TENM2: variants seen among roughly 807,000 people sequenced by gnomAD.
The protein encoded by TENM2 is teneurin transmembrane protein 2.
A neutral mutation model predicts 245.2 loss-of-function variants in TENM2; 52 were observed. That is an observed-to-expected ratio of 0.21 (90% confidence interval 0.17 to 0.27). The LOEUF is 0.27. TENM2 is among the 10% of genes least tolerant of loss of function. TENM2 has a pLI of 1.00. For synonymous variants in TENM2, 1,363 were observed against 1,438.9 expected (o/e 0.95, Z 1.19); for missense variants, 3,046 against 3,666.8 (o/e 0.83, Z 4.37).
chr5:166,999,026 T>C, the TENM2 span, among the ~76,000 whole-genome samples: 2 of 149,922 alleles, frequency 1.3e-5, no homozygotes, highest in East Asian at 3.9e-4. Context: ...ATATTTATTA[T>C]AATATATTTT....
chr5:167,066,897 C>T, the TENM2 span, among the ~76,000 whole-genome samples: 19 of 152,146 alleles, frequency 1.2e-4, no homozygotes, highest in African/African-American at 4.1e-4. Flanking sequence ...GATAACAGTC[C>T]TCATATGATT....
chr5:167,179,222 C>T, the TENM2 span, among the ~76,000 whole-genome samples: 8 of 152,194 alleles, frequency 5.3e-5, no homozygotes, highest in Non-Finnish European at 1.0e-4. Flanking sequence ...TTCTACTTCA[C>T]CGCTTGCATG....
At chr5:168,093,795 T>C (rs1793143959) in intron 8 of TENM2, among the ~76,000 whole-genome samples, 1 of 152,172 alleles carries the variant, frequency 6.6e-6, no homozygotes, top group South Asian at 2.1e-4. Flanking sequence ...TTAAAAATAA[T>C]ATTTAACTGA....
chr5:167,158,175 G>T, the TENM2 span, among the ~76,000 whole-genome samples: 5 of 151,866 alleles, frequency 3.3e-5, no homozygotes, highest in Non-Finnish European at 7.4e-5. Context: ...ACACAGATAT[G>T]GTACACTGAA....
chr5:167,049,071 G>A, the TENM2 span, among the ~76,000 whole-genome samples: 4 of 152,126 alleles, frequency 2.6e-5, no homozygotes, highest in Admixed American at 1.3e-4. Context: ...TACACTGTAA[G>A]TACCTGTAGT....
chr5:167,239,596 G>C, the TENM2 span, among the ~76,000 whole-genome samples: 1 of 152,126 alleles, frequency 6.6e-6, no homozygotes, highest in Admixed American at 6.5e-5. Flanking sequence ...CCTTTTACTA[G>C]ACTTCCTCCC....
At chr5:168,042,982 A>G (rs993202675) in intron 5 of TENM2, among the ~76,000 whole-genome samples, 1 of 152,160 alleles carries the variant, frequency 6.6e-6, no homozygotes, top group African/African-American at 2.4e-5. Context: ...GGAGCCTGTC[A>G]GATCATGATG....
At chr5:167,774,770 G>C (rs1042277745) in intron 2 of TENM2, among the ~76,000 whole-genome samples, 1 of 152,160 alleles carries the variant, frequency 6.6e-6, no homozygotes, top group Non-Finnish European at 1.5e-5. Flanking sequence ...TGGATGAGTA[G>C]GAATTTCGAG....
chr5:167,851,081 T>C (rs983585486), intron 2 of TENM2, among the ~76,000 whole-genome samples: 5 of 152,118 alleles, frequency 3.3e-5, no homozygotes, highest in Non-Finnish European at 7.3e-5. Context: ...AACCTACTTA[T>C]GAAGAAATGT....
intron 12 of TENM2, 118 bp from the exon 15 acceptor site, chr5:168,162,493 C>T (rs1757831626): frequency 9.1e-7 from 1 of 1,100,240 alleles, no homozygotes; most frequent in East Asian, 2.6e-5. Context: ...GGCGCGGGCC[C>T]CACTGTGAGG....
intron 2 of TENM2, among the ~76,000 whole-genome samples, chr5:167,482,697 C>T (rs1035758913): frequency 6.6e-6 from 1 of 152,140 alleles, no homozygotes; most frequent in Admixed American, 6.5e-5. Context: ...CACTCTAGAA[C>T]AAGCCTGGAG....
chr5:167,215,189 C>T, the TENM2 span, among the ~76,000 whole-genome samples: 1 of 152,154 alleles, frequency 6.6e-6, no homozygotes, highest in Non-Finnish European at 1.5e-5. Flanking sequence ...TCTGAACTTA[C>T]TTAGCAGTGA....
chr5:167,737,532 A>G (rs1459366350), intron 2 of TENM2, among the ~76,000 whole-genome samples: 1 of 152,090 alleles, frequency 6.6e-6, no homozygotes, highest in East Asian at 1.9e-4. Flanking sequence ...CTTCATTTCA[A>G]CTTAACAAGT....
At chr5:167,992,059 G>A (rs1028436895) in intron 4 of TENM2, among the ~76,000 whole-genome samples, 36 of 152,162 alleles carry the variant, frequency 2.4e-4, no homozygotes, top group Non-Finnish European at 1.8e-4. Flanking sequence ...TTATAAGTGG[G>A]AGCTAAGCTA....
chr5:167,436,949 C>T (rs574322728), intron 2 of TENM2, among the ~76,000 whole-genome samples: 62 of 152,240 alleles, frequency 4.1e-4, no homozygotes, highest in African/African-American at 1.2e-3. Flanking sequence ...GCTGCAGGGG[C>T]GAGCCCTCAC....
At chr5:167,142,472 A>T in the TENM2 span, among the ~76,000 whole-genome samples, 1 of 151,472 alleles carries the variant, frequency 6.6e-6, no homozygotes, top group East Asian at 1.9e-4. Flanking sequence ...ATATATATAT[A>T]AATAATAAAT....
At chr5:167,691,639 T>C (rs1361877568) in intron 2 of TENM2, among the ~76,000 whole-genome samples, 3 of 152,176 alleles carry the variant, frequency 2.0e-5, no homozygotes. Flanking sequence ...TACATATTCC[T>C]TGATGGTATT....
intron 5 of TENM2, among the ~76,000 whole-genome samples, chr5:168,013,312 GC>G (rs1372587451): frequency 1.3e-5 from 2 of 152,172 alleles, no homozygotes; most frequent in Non-Finnish European, 2.9e-5. Flanking sequence ...ATATTCAAAA[GC>G]CAAGTTTCAG....
chr5:168,161,716 A>T (rs1221433029), intron 12 of TENM2, among the ~76,000 whole-genome samples: 1 of 151,698 alleles, frequency 6.6e-6, no homozygotes, highest in African/African-American at 2.4e-5. Context: ...CCTTTGTCCA[A>T]ACTCAGGTCA....
Sources: allele counts gnomAD v4.1 joint callset (sites outside exome capture counted in the v4.1 genomes callset), GRCh38; gene constraint gnomAD v4.1.1; transcripts MANE v1.5; gene names NCBI Gene and HGNC (gene_info 2026-07-23, HGNC 2026-07-21).